The following CNTNAP2 variants were observed in gnomAD, a reference collection of about 807,000 sequenced individuals.
CNTNAP2 encodes contactin associated protein 2, also known as contactin-associated protein-like 2.
Under a neutral mutation model 155.2 loss-of-function variants are expected in CNTNAP2, and 98 were observed. The observed-to-expected ratio is 0.63, with a 90% confidence interval of 0.54 to 0.75. CNTNAP2 has a LOEUF of 0.75. CNTNAP2 is among the 30% of genes least tolerant of loss of function. The pLI is 0.00. For synonymous variants in CNTNAP2, 651 were observed against 631.2 expected (o/e 1.03, Z -0.47); for missense variants, 1,727 against 1,688.1 (o/e 1.02, Z -0.40).
chr7:147,965,877 G>A (rs1801200367), intron 14 of CNTNAP2, among the ~76,000 whole-genome samples: 1 of 152,094 alleles, frequency 6.6e-6, no homozygotes, highest in African/African-American at 2.4e-5. Context: ...TGTAGCTGAG[G>A]TGGTGTGCCT....
intron 13 of CNTNAP2, among the ~76,000 whole-genome samples, chr7:147,803,411 C>T (rs1028075509): frequency 7.2e-5 from 11 of 152,106 alleles, no homozygotes; most frequent in Admixed American, 1.3e-4. Context: ...TCACTCTGCC[C>T]GTGGACCTGC....
At chr7:147,218,056 T>A (rs1026877993) in intron 8 of CNTNAP2, among the ~76,000 whole-genome samples, 3 of 151,992 alleles carry the variant, frequency 2.0e-5, no homozygotes, top group Non-Finnish European at 4.4e-5. Flanking sequence ...GCTAGAGGCT[T>A]ATTGATTCAA....
At chr7:147,195,256 C>A (rs1233097235) in intron 8 of CNTNAP2, among the ~76,000 whole-genome samples, 1 of 152,096 alleles carries the variant, frequency 6.6e-6, no homozygotes, top group Non-Finnish European at 1.5e-5. Flanking sequence ...TTTCTAAGGT[C>A]TCTATTCTGC....
chr7:146,329,935 T>C (rs561088144), intron 1 of CNTNAP2, among the ~76,000 whole-genome samples: 1 of 152,032 alleles, frequency 6.6e-6, no homozygotes, highest in African/African-American at 2.4e-5. Flanking sequence ...TTTTTTATTT[T>C]TCTCCAACTT....
At chr7:147,789,061 T>G (rs774643259) in intron 13 of CNTNAP2, among the ~76,000 whole-genome samples, 1 of 151,690 alleles carries the variant, frequency 6.6e-6, no homozygotes, top group Non-Finnish European at 1.5e-5. Flanking sequence ...TGCATCACCA[T>G]GCCTGGCTAA....
intron 13 of CNTNAP2, among the ~76,000 whole-genome samples, chr7:147,675,113 A>G (rs1795847831): frequency 6.6e-6 from 1 of 152,074 alleles, no homozygotes; most frequent in African/African-American, 2.4e-5. Flanking sequence ...CTCCAGGGAA[A>G]AATCCTTCCC....
intron 8 of CNTNAP2, among the ~76,000 whole-genome samples, chr7:147,238,205 T>C (rs901097524): frequency 3.3e-5 from 5 of 152,072 alleles, no homozygotes; most frequent in Non-Finnish European, 5.9e-5. Context: ...TTAGTAGGGA[T>C]GGGGTTTCAC....
intron 8 of CNTNAP2, among the ~76,000 whole-genome samples, chr7:147,287,304 C>A (rs1805202357): frequency 6.6e-6 from 1 of 151,928 alleles, no homozygotes; most frequent in Non-Finnish European, 1.5e-5. Context: ...GGATGAGGAA[C>A]CTGATCAGAT....
intron 13 of CNTNAP2, among the ~76,000 whole-genome samples, chr7:147,644,578 T>C (rs1261900029): frequency 6.6e-6 from 1 of 152,140 alleles, no homozygotes; most frequent in Non-Finnish European, 1.5e-5. Context: ...GCTGGTATCA[T>C]GCCACTGCAC....
intron 1 of CNTNAP2, among the ~76,000 whole-genome samples, chr7:146,668,863 T>C (rs1477024612): frequency 1.3e-5 from 2 of 152,106 alleles, no homozygotes; most frequent in Non-Finnish European, 2.9e-5. Context: ...CTTTTTCATT[T>C]ATGATTTTTA....
Position 146,898,043 on chromosome 7 carries a change from G to A in CNTNAP2, c.402+58139G>A, listed in dbSNP as rs532319558. 4.0e-5 allele frequency among the ~76,000 whole-genome samples: 6 copies of A among 151,166 alleles called. No homozygotes were observed. In the South Asian group the frequency reaches 1.0e-3, roughly 26 times the overall value. Reference sequence around the variant, plus strand: ...GAAATGTGTTAAAGCTTCTCTTAATGATTCCTAAAATAATCATAGAATAAT... The same window carrying A: ...GAAATGTGTTAAAGCTTCTCTTAATAATTCCTAAAATAATCATAGAATAAT... On this transcript the variant is annotated intron_variant, in intron 3 of 23. Coordinates refer to ENST00000361727, the MANE Select transcript of CNTNAP2 (RefSeq NM_014141.6).
chr7:146,754,913 A>G (rs922331025), intron 1 of CNTNAP2, among the ~76,000 whole-genome samples: 1 of 151,958 alleles, frequency 6.6e-6, no homozygotes, highest in Non-Finnish European at 1.5e-5. Flanking sequence ...TTCTTAATAA[A>G]AGAAAATACG....
At chr7:147,276,789 A>G (rs1804905045) in intron 8 of CNTNAP2, among the ~76,000 whole-genome samples, 1 of 151,940 alleles carries the variant, frequency 6.6e-6, no homozygotes, top group Non-Finnish European at 1.5e-5. Context: ...ATGTATTTGT[A>G]TTTATAAGAA....
chr7:146,673,789 C>T (rs868714860), intron 1 of CNTNAP2, among the ~76,000 whole-genome samples: 7 of 152,024 alleles, frequency 4.6e-5, no homozygotes, highest in South Asian at 2.1e-4. Flanking sequence ...TGCTGATTTG[C>T]CCAGGCTGGT....
intron 1 of CNTNAP2, among the ~76,000 whole-genome samples, chr7:146,537,448 T>TA (rs774105376): frequency 5.3e-5 from 8 of 151,722 alleles, no homozygotes; most frequent in African/African-American, 9.7e-5. Flanking sequence ...AGCCTTCAAT[T>TA]AAAAAAAAGT....
chr7:147,367,367 G>A (rs571793689), intron 9 of CNTNAP2, among the ~76,000 whole-genome samples: 6 of 152,252 alleles, frequency 3.9e-5, no homozygotes, highest in Admixed American at 6.5e-5. Flanking sequence ...GCCTGAGGCC[G>A]TTCTCTAGTG....
At chr7:147,589,277 C>T (rs953593046) in intron 12 of CNTNAP2, among the ~76,000 whole-genome samples, 14 of 152,146 alleles carry the variant, frequency 9.2e-5, no homozygotes, top group Non-Finnish European at 1.8e-4. Flanking sequence ...GAAAATGTTT[C>T]CCCTAACTGA....
At chr7:147,323,826 A>T (rs1031228813) in intron 9 of CNTNAP2, among the ~76,000 whole-genome samples, 1 of 152,218 alleles carries the variant, frequency 6.6e-6, no homozygotes. Context: ...TTACGCATTT[A>T]TATCTCTGTT....
At chr7:146,367,712 A>C (rs1184796058) in intron 1 of CNTNAP2, among the ~76,000 whole-genome samples, 1 of 152,138 alleles carries the variant, frequency 6.6e-6, no homozygotes, top group East Asian at 1.9e-4. Context: ...TAACACAGAA[A>C]TCCATTAAAA....
Sources: gnomAD v4.1 joint callset for allele counts (sites outside exome capture counted in the v4.1 genomes callset) on GRCh38, gnomAD v4.1.1 for gene constraint, MANE v1.5 for transcripts, NCBI Gene and HGNC (gene_info 2026-07-23, HGNC 2026-07-21) for gene names.